Variants in SNX18 observed in about 807,000 individuals in gnomAD.
The protein encoded by SNX18 is sorting nexin 18, also known as sorting nexin-18.
In SNX18, 35 loss-of-function variants were observed where a neutral mutation model predicts 48.7. The observed-to-expected ratio is 0.72, with a 90% CI of 0.55 to 0.95. The LOEUF (loss-of-function observed/expected upper bound fraction) is 0.95, where lower values mean the gene tolerates loss of function less well. Among genes scored for constraint, SNX18 ranks in the 40% least tolerant of loss-of-function variants. The pLI, the probability that SNX18 is intolerant of heterozygous loss-of-function variation, is 0.00. For missense variants in SNX18, 824 were observed against 871.0 expected, an observed-to-expected ratio of 0.95 and a Z score of 0.68; for synonymous variants, 492 against 384.7, an observed-to-expected ratio of 1.28 and a Z score of -3.26.
chr5:54,607,972 G>A, the SNX18 span, among the ~76,000 whole-genome samples: 1 of 152,106 alleles, frequency 6.6e-6, no homozygotes, highest in East Asian at 1.9e-4. Context: ...TAAAGCTGCT[G>A]TAAACTTCAT....
the SNX18 span, among the ~76,000 whole-genome samples, chr5:54,605,022 C>G: frequency 6.6e-6 from 1 of 152,070 alleles, no homozygotes; most frequent in Non-Finnish European, 1.5e-5. Context: ...ATTGGAGGAA[C>G]AGAAAGGAGA....
At position 54,543,306 on chromosome 5, in the gene SNX18, C is replaced by T. The variant is rs1394195567; in HGVS notation, c.1749C>T (p.His583=). ...ISFATLAEIH[H]FHQIRVRDFK... ...TTGCCACTTTGGCTGAAATTCACCACTTCCATCAAATTCGAGTGAGAGACT... is the reference window on the plus strand; with the variant it reads ...TTGCCACTTTGGCTGAAATTCACCATTTCCATCAAATTCGAGTGAGAGACT... The change falls in exon 2 of 2, where the codon CAC becomes CAT. Residue 583 remains histidine, a synonymous_variant. Coordinates refer to ENST00000381410, the MANE Select transcript of SNX18 (RefSeq NM_001102575.2). 2 of 1,614,198 alleles carry T rather than the reference C, an allele frequency of 1.2e-6. No homozygotes were observed. Among genetic ancestry groups the T allele is most frequent in the East Asian group, 2.2e-5 (1 of 44,874 alleles).
the SNX18 span, among the ~76,000 whole-genome samples, chr5:54,623,243 G>A: frequency 2.6e-5 from 4 of 152,178 alleles, no homozygotes; most frequent in African/African-American, 7.2e-5. Flanking sequence ...TTTGAGAATA[G>A]GAGGCAGCAT....
In SNX18 at chr5:54,517,885, C is replaced by G; in HGVS notation, c.-68C>G. The G allele has an allele frequency of 7.1e-7, 1 of 1,416,178 alleles. No homozygotes were observed. Among genetic ancestry groups the G allele is most frequent in the Non-Finnish European group, 9.2e-7 (1 of 1,092,386 alleles). 87.7% of individuals were successfully genotyped at this position (1,416,178 alleles called of 1,614,324 possible). On this transcript the variant is annotated 5_prime_UTR_variant, in exon 1 of 2. Coordinates refer to ENST00000381410, the MANE Select transcript of SNX18 (RefSeq NM_001102575.2). ...GCGCGCCAGGGCTCGAGCAGTACCG[C>G]GGGCCCCTCAGGTGGGCCTCGGCTC... is the stretch of plus-strand genomic sequence containing the variant.
chr5:54,552,478 A>G, the SNX18 span, among the ~76,000 whole-genome samples: 1 of 152,226 alleles, frequency 6.6e-6, no homozygotes, highest in Non-Finnish European at 1.5e-5. Context: ...ATGAGACCAG[A>G]CTTCGGACCA....
At chr5:54,547,072 A>G (rs1282691048), downstream of SNX18, among the ~76,000 whole-genome samples, 1 of 152,116 alleles carries the variant, frequency 6.6e-6, no homozygotes, top group African/African-American at 2.4e-5. Flanking sequence ...ATCTTTACAG[A>G]TTTGTTTTAC....
At chr5:54,579,078 G>A in the SNX18 span, among the ~76,000 whole-genome samples, 1 of 152,132 alleles carries the variant, frequency 6.6e-6, no homozygotes, top group Non-Finnish European at 1.5e-5. Flanking sequence ...GGTAGCGTAT[G>A]CCTGCAATCC....
chr5:54,589,813 T>C, the SNX18 span, among the ~76,000 whole-genome samples: 1 of 152,214 alleles, frequency 6.6e-6, no homozygotes. Flanking sequence ...TTCTAACTCC[T>C]ACAGAGAAGT....
the SNX18 span, among the ~76,000 whole-genome samples, chr5:54,606,172 C>T: frequency 0.14 from 21,799 of 152,220 alleles, 1,944 homozygotes; most frequent in South Asian, 0.21. Flanking sequence ...CCTGTGGCTA[C>T]ACACCAGACA....
At chr5:54,534,564 TTC>T (rs111867655) in intron 1 of SNX18, among the ~76,000 whole-genome samples, 1 of 152,212 alleles carries the variant, frequency 6.6e-6, no homozygotes, top group African/African-American at 2.4e-5. Flanking sequence ...GGGCTTTTTT[TTC>T]TTTCTTTCTT....
chr5:54,618,179 C>A, the SNX18 span, among the ~76,000 whole-genome samples: 1 of 152,162 alleles, frequency 6.6e-6, no homozygotes, highest in Non-Finnish European at 1.5e-5. Context: ...TCCCCCTTTG[C>A]TTGGCACTTC....
the SNX18 span, among the ~76,000 whole-genome samples, chr5:54,597,431 A>G: frequency 1.3e-5 from 2 of 152,188 alleles, no homozygotes; most frequent in Non-Finnish European, 2.9e-5. Flanking sequence ...CCCCAGAAGG[A>G]CAGAATATAC....
chr5:54,622,056 G>A, the SNX18 span, among the ~76,000 whole-genome samples: 1 of 152,230 alleles, frequency 6.6e-6, no homozygotes, highest in Non-Finnish European at 1.5e-5. Context: ...AAAAGAATTC[G>A]AGGAGAGCTG....
chr5:54,537,173 A>C (rs180754457), intron 1 of SNX18, among the ~76,000 whole-genome samples: 2 of 152,214 alleles, frequency 1.3e-5, no homozygotes, highest in Admixed American at 1.3e-4. Context: ...CTACAGTTTA[A>C]ATTAAATAAA....
rs1310703465 is a variant in SNX18, at chr5:54,519,164, C to T, written c.1212C>T (p.Gly404=). 2 of 1,613,688 alleles carry T rather than the reference C, an allele frequency of 1.2e-6. No individual in the cohort carries two copies. Among genetic ancestry groups the T allele is most frequent in the East Asian group, 2.2e-5 (1 of 44,862 alleles). Residue 404 remains glycine (G), a synonymous_variant, in exon 1 of 2, where the codon GGC becomes GGT. Transcript: ENST00000381410. ...KRKAEKDEMV[G]ANFFLTLSTP... is the part of the protein sequence containing the mutation. ...AGGCCGAGAAGGACGAGATGGTGGG[C>T]GCCAACTTCTTCCTGACCCTTAGCA...
the SNX18 span, among the ~76,000 whole-genome samples, chr5:54,588,715 C>G: frequency 6.6e-6 from 1 of 152,150 alleles, no homozygotes; most frequent in African/African-American, 2.4e-5. Flanking sequence ...ACCTTGGGAT[C>G]ACATTGGGTA....
In SNX18 at chr5:54,545,301, TTATAAC is replaced by T. The variant is rs780356667; in HGVS notation, c.*1874_*1879del. On this transcript the variant is annotated 3_prime_UTR_variant, in exon 2 of 2. Coordinates refer to ENST00000381410, the MANE Select transcript of SNX18 (RefSeq NM_001102575.2). ...TGTTAATTTTGCGGAAGTCTGGAAA[TTATAAC>T]TATAGCATTTAAGTTTGAGTCTGTA... is the stretch of plus-strand genomic sequence containing the variant. 4 of 152,198 alleles carry T rather than the reference TTATAAC, an allele frequency of 2.6e-5. No individual in the cohort carries two copies. The highest frequency in any genetic ancestry group is 4.1e-4 in the South Asian group (2 of 4,830). The allele number at this position is 152,198 out of a possible 1,614,324, so 9.4% of individuals were successfully genotyped here. A position where few individuals can be genotyped will look rare whatever the true frequency, so the allele number is the denominator to read the frequency against.
the SNX18 span, among the ~76,000 whole-genome samples, chr5:54,617,814 C>T: frequency 1.3e-5 from 2 of 152,078 alleles, no homozygotes; most frequent in East Asian, 1.9e-4. Context: ...CCTCCTGCCT[C>T]GGCCTCTCCA....
At chr5:54,523,716 A>G (rs541630698) in intron 1 of SNX18, among the ~76,000 whole-genome samples, 107 of 152,212 alleles carry the variant, frequency 7.0e-4, no homozygotes, top group Non-Finnish European at 1.3e-3. Flanking sequence ...CAGGAATGGT[A>G]TACCAGTAGT....
Sources: allele counts gnomAD v4.1 joint callset (sites outside exome capture counted in the v4.1 genomes callset), GRCh38; gene constraint gnomAD v4.1.1; transcripts MANE v1.5; gene names NCBI Gene and HGNC (gene_info 2026-07-23, HGNC 2026-07-21).